Variants in RABGAP1L observed in about 807,000 individuals in gnomAD.
The protein encoded by RABGAP1L is rab GTPase-activating protein 1-like.
A neutral mutation model predicts 137.7 loss-of-function variants in RABGAP1L; 63 were observed. The ratio of observed to expected loss-of-function variants is 0.46; its 90% CI spans 0.37 to 0.56. The LOEUF (loss-of-function observed/expected upper bound fraction) is 0.56. RABGAP1L is among the 20% of genes least tolerant of loss of function. The pLI, the probability that RABGAP1L is intolerant of heterozygous loss-of-function variation, is 0.00. For missense variants in RABGAP1L, 1,095 were observed against 1,244.0 expected, an observed-to-expected ratio of 0.88 and a Z score of 1.80; for synonymous variants, 431 against 433.7, an observed-to-expected ratio of 0.99 and a Z score of 0.08.
At chr1:174,655,609 C>T (rs1675908959) in intron 14 of RABGAP1L, among the ~76,000 whole-genome samples, 1 of 152,166 alleles carries the variant, frequency 6.6e-6, no homozygotes, top group African/African-American at 2.4e-5. Context: ...CTCTTTTCCC[C>T]ATTGTAATTA....
At chr1:174,321,794 G>T (rs1409202034) in intron 11 of RABGAP1L, among the ~76,000 whole-genome samples, 1 of 152,024 alleles carries the variant, frequency 6.6e-6, no homozygotes, top group Non-Finnish European at 1.5e-5. Flanking sequence ...AGCTATTCTA[G>T]TGTGTGTGTG....
intron 22 of RABGAP1L, among the ~76,000 whole-genome samples, chr1:174,976,398 G>C (rs193137668): frequency 1.5e-3 from 223 of 152,116 alleles, no homozygotes; most frequent in African/African-American, 5.1e-3. Flanking sequence ...TTCTACCCTT[G>C]AACAGCTTTT....
At chr1:174,662,343 A>T (rs1031462083) in intron 14 of RABGAP1L, among the ~76,000 whole-genome samples, 4 of 152,020 alleles carry the variant, frequency 2.6e-5, no homozygotes, top group Non-Finnish European at 5.9e-5. Context: ...ACCTCAAGTG[A>T]TCCATCCGCC....
intron 19 of RABGAP1L, among the ~76,000 whole-genome samples, chr1:174,831,734 A>AAAAAAAG (rs1692134378): frequency 6.8e-6 from 1 of 146,994 alleles, no homozygotes. Context: ...GACTAAAAAA[A>AAAAAAAG]AACTAGCTTT....
intron 4 of RABGAP1L, among the ~76,000 whole-genome samples, chr1:174,237,150 GA>G (rs1235545673): frequency 6.6e-6 from 1 of 151,302 alleles, no homozygotes; most frequent in Non-Finnish European, 1.5e-5. Flanking sequence ...TTTTATTTTT[GA>G]GCCTATGTGT....
chr1:174,732,842 C>T (rs1682601808), intron 17 of RABGAP1L, among the ~76,000 whole-genome samples: 1 of 152,158 alleles, frequency 6.6e-6, no homozygotes, highest in Admixed American at 6.5e-5. Context: ...CGAATGGATG[C>T]ACTTCCCAAG....
intron 13 of RABGAP1L, among the ~76,000 whole-genome samples, chr1:174,568,754 C>T (rs1667753955): frequency 6.6e-6 from 1 of 151,940 alleles, no homozygotes; most frequent in Non-Finnish European, 1.5e-5. Flanking sequence ...TTGGCAGGAA[C>T]ATTAATAAGA....
At chr1:174,551,508 C>T (rs985557121) in intron 13 of RABGAP1L, among the ~76,000 whole-genome samples, 67 of 151,964 alleles carry the variant, frequency 4.4e-4, no homozygotes, top group African/African-American at 1.6e-3. Flanking sequence ...TTAAACCTCC[C>T]ACATGTGTGC....
intron 13 of RABGAP1L, among the ~76,000 whole-genome samples, chr1:174,578,029 T>C (rs927766409): frequency 3.9e-5 from 6 of 152,240 alleles, no homozygotes; most frequent in African/African-American, 1.2e-4. Context: ...GCTTAAGTAC[T>C]GGGAACACCA....
intron 19 of RABGAP1L, among the ~76,000 whole-genome samples, chr1:174,929,695 A>G (rs1451984975): frequency 6.6e-6 from 1 of 151,802 alleles, no homozygotes; most frequent in Admixed American, 6.6e-5. Context: ...GTGAGCTATG[A>G]TCATATCACT....
In RABGAP1L at chr1:174,299,609, T is replaced by C. The variant is rs112481843; in HGVS notation, c.1324-5377T>C. ...ACAAACATGCTCCAAATCTTGATCA[T>C]AGGAATATACCTTACTCAATTATTA... On this transcript the variant is annotated intron_variant, in intron 10 of 25. Transcript: ENST00000681986. Among the ~76,000 whole-genome samples the C allele has an allele frequency of 5.3e-3, 808 of 152,330 alleles. 10 individuals carry two copies. The highest frequency in any genetic ancestry group is 0.018 in the African/African-American group (767 of 41,582).
chr1:174,827,508 C>CG (rs1222903501), intron 19 of RABGAP1L, among the ~76,000 whole-genome samples: 3 of 148,882 alleles, frequency 2.0e-5, no homozygotes, highest in Admixed American at 1.3e-4. Flanking sequence ...TAACTGAGTG[C>CG]GCATTTCTTC....
In RABGAP1L at chr1:174,752,361, CTT is replaced by C; in HGVS notation, c.2211+14_2211+15del. On this transcript the variant is annotated splice_region_variant and intron_variant, in intron 18 of 25. Coordinates refer to ENST00000681986, the MANE Select transcript of RABGAP1L (RefSeq NM_001366446.1). Reference sequence around the variant, plus strand: ...AGCTTTGGCTCTCCTAAAGGTAAGTCTTTTTTTTAATCTTAAGTTACCACATT... The same window carrying C: ...AGCTTTGGCTCTCCTAAAGGTAAGTCTTTTTTAATCTTAAGTTACCACATT... 6.4e-7 allele frequency: 1 copy of C among 1,558,564 alleles called. No homozygotes were observed. Among genetic ancestry groups the C allele is most frequent in the South Asian group, 1.2e-5 (1 of 85,388 alleles).
intron 20 of RABGAP1L, among the ~76,000 whole-genome samples, chr1:174,959,396 C>T (rs1574011498): frequency 6.6e-6 from 1 of 152,188 alleles, no homozygotes; most frequent in East Asian, 1.9e-4. Context: ...AAATGGAAGA[C>T]CAAACTTGTA....
At chr1:174,713,667 C>A (rs2148565157) in intron 17 of RABGAP1L, among the ~76,000 whole-genome samples, 1 of 152,328 alleles carries the variant, frequency 6.6e-6, no homozygotes, top group African/African-American at 2.4e-5. Flanking sequence ...GATGCTGGCA[C>A]TATGCTTTGT....
chr1:174,316,286 G>A (rs1362807029), intron 11 of RABGAP1L, among the ~76,000 whole-genome samples: 3 of 152,178 alleles, frequency 2.0e-5, no homozygotes, highest in Non-Finnish European at 2.9e-5. Context: ...CCTGGATGGT[G>A]TTGATGCTAG....
chr1:174,872,669 T>C (rs1438988868), intron 19 of RABGAP1L, among the ~76,000 whole-genome samples: 1 of 151,698 alleles, frequency 6.6e-6, no homozygotes, highest in Non-Finnish European at 1.5e-5. Context: ...TCCCCGCAAA[T>C]AGCTGAGACT....
At chr1:174,597,707 C>A (rs1422400687) in intron 13 of RABGAP1L, among the ~76,000 whole-genome samples, 1 of 151,766 alleles carries the variant, frequency 6.6e-6, no homozygotes, top group African/African-American at 2.4e-5. Context: ...GTGTATTGTT[C>A]TTTTTCTCTT....
chr1:174,781,657 A>G (rs1687017759), intron 18 of RABGAP1L, among the ~76,000 whole-genome samples: 2 of 152,116 alleles, frequency 1.3e-5, no homozygotes, highest in Non-Finnish European at 2.9e-5. Context: ...TATGTCCTGA[A>G]TGGTATTGGC....
Sources: allele counts gnomAD v4.1 joint callset (sites outside exome capture counted in the v4.1 genomes callset), GRCh38; gene constraint gnomAD v4.1.1; transcripts MANE v1.5; gene names NCBI Gene and HGNC (gene_info 2026-07-23, HGNC 2026-07-21).